The following CDH13 variants were observed in gnomAD, a reference collection of about 807,000 sequenced individuals.
CDH13 encodes the protein cadherin 13.
CDH13 carries 24 observed loss-of-function variants against 63.8 expected under a neutral mutation model. The ratio of observed to expected loss-of-function variants is 0.38; its 90% CI spans 0.27 to 0.53. CDH13 has a LOEUF of 0.53. Among genes scored for constraint, CDH13 ranks in the 20% least tolerant of loss-of-function variants. The probability of loss-of-function intolerance (pLI) is 0.85; values close to 1 mark genes in which losing one functional copy is unlikely to be tolerated. For synonymous variants in CDH13, 503 were observed against 355.3 expected (o/e 1.42, Z -4.67); for missense variants, 1,049 against 903.1 (o/e 1.16, Z -2.07).
intron 1 of CDH13, among the ~76,000 whole-genome samples, chr16:82,658,208 C>G (rs1911523312): frequency 6.6e-6 from 1 of 152,174 alleles, no homozygotes; most frequent in Non-Finnish European, 1.5e-5. Flanking sequence ...TGGTCATCAT[C>G]CCAGGCTTAG....
intron 5 of CDH13, among the ~76,000 whole-genome samples, chr16:83,300,586 C>T (rs2089710349): frequency 1.3e-5 from 2 of 152,206 alleles, no homozygotes; most frequent in African/African-American, 4.8e-5. Context: ...GGCACCATGC[C>T]AGGCAGGGTC....
intron 1 of CDH13, among the ~76,000 whole-genome samples, chr16:82,808,252 T>C (rs2037255796): frequency 6.6e-6 from 1 of 152,208 alleles, no homozygotes. Context: ...CATGAAATGA[T>C]TTGCTTTTGT....
At chr16:82,762,724 G>C (rs1597499396) in intron 1 of CDH13, among the ~76,000 whole-genome samples, 1 of 152,120 alleles carries the variant, frequency 6.6e-6, no homozygotes. Flanking sequence ...AGCAAAACTT[G>C]GGTGCCAAAA....
intron 7 of CDH13, among the ~76,000 whole-genome samples, chr16:83,585,593 CAGTT>C (rs1906073900): frequency 1.2e-5 from 1 of 84,244 alleles, no homozygotes; most frequent in East Asian, 3.3e-4. Context: ...AATTAGGAGA[CAGTT>C]GGTAATGGAA....
intron 10 of CDH13, among the ~76,000 whole-genome samples, chr16:83,740,797 C>T (rs1357890712): frequency 2.0e-5 from 3 of 152,196 alleles, no homozygotes; most frequent in Non-Finnish European, 4.4e-5. Flanking sequence ...ATCCCATCCT[C>T]CCAACCCCAA....
intron 2 of CDH13, among the ~76,000 whole-genome samples, chr16:82,872,830 A>T (rs146840984): frequency 6.6e-6 from 1 of 152,204 alleles, no homozygotes; most frequent in African/African-American, 2.4e-5. Context: ...TATAGAAGAA[A>T]CACTGAATGA....
At position 83,129,698 on chromosome 16, in the gene CDH13, C is replaced by T. The variant is rs144994238; in HGVS notation, c.483+4197C>T. On this transcript the variant is annotated intron_variant, in intron 4 of 13. Transcript: ENST00000567109. ...CCTGGCATATCTGGTCTGCCCTGCA[C>T]TCTGTGCACTGACGCGACAGCCTGC... Among the ~76,000 whole-genome samples the T allele has an allele frequency of 4.0e-3, 616 of 152,288 alleles. 4 individuals are homozygous for T. The highest frequency in any genetic ancestry group is 6.5e-3 in the Non-Finnish European group (443 of 68,032).
In CDH13 at chr16:82,805,884, GTC is replaced by G. The variant is rs1195335078; in HGVS notation, c.46-52476_46-52475del. ...ACTCTAGTGTGCAAATAAGACAACTGTCTGTCTTTTAACATGGTACGCACATT... is the reference window on the plus strand; with the variant it reads ...ACTCTAGTGTGCAAATAAGACAACTGTGTCTTTTAACATGGTACGCACATT... On this transcript the variant is annotated intron_variant, in intron 1 of 13. Transcript: ENST00000567109. Among the ~76,000 whole-genome samples the G allele has an allele frequency of 7.2e-5, 11 of 152,176 alleles. No individual in the cohort carries two copies. The East Asian group carries it at 1.7e-3, about 24-fold the overall frequency.
intron 5 of CDH13, among the ~76,000 whole-genome samples, chr16:83,288,233 G>C (rs946945156): frequency 2.6e-5 from 4 of 152,174 alleles, no homozygotes; most frequent in Non-Finnish European, 2.9e-5. Context: ...AGCCCCAATA[G>C]CTAACTCACT....
chr16:83,235,420 C>T (rs1198719445), intron 5 of CDH13, among the ~76,000 whole-genome samples: 10 of 152,094 alleles, frequency 6.6e-5, no homozygotes, highest in Admixed American at 5.9e-4. Flanking sequence ...TTCATCTAAC[C>T]GAATCATGTT....
At chr16:83,542,637 G>A (rs756186277) in intron 7 of CDH13, among the ~76,000 whole-genome samples, 2 of 152,222 alleles carry the variant, frequency 1.3e-5, no homozygotes, top group Admixed American at 6.5e-5. Flanking sequence ...TAGTCCAGGG[G>A]AGAATCCTTC....
chr16:82,840,747 A>G (rs9938031), intron 1 of CDH13, among the ~76,000 whole-genome samples: 32,139 of 151,122 alleles, frequency 0.21, 4,263 homozygotes, highest in Non-Finnish European at 0.3. Context: ...GGTTCCCAGG[A>G]TCTAGATGAC....
At chr16:82,984,714 A>G (rs1318519672) in intron 2 of CDH13, among the ~76,000 whole-genome samples, 3 of 152,202 alleles carry the variant, frequency 2.0e-5, no homozygotes, top group African/African-American at 7.2e-5. Context: ...TAAGGTTTGC[A>G]CAACTAAACG....
intron 1 of CDH13, among the ~76,000 whole-genome samples, chr16:82,733,805 C>G (rs1430779949): frequency 2.6e-5 from 4 of 152,176 alleles, no homozygotes; most frequent in Non-Finnish European, 5.9e-5. Flanking sequence ...TAACACAAAA[C>G]AAAAACTGGA....
chr16:82,642,674 G>C, intron 1 of CDH13, among the ~76,000 whole-genome samples: 1 of 152,212 alleles, frequency 6.6e-6, no homozygotes, highest in East Asian at 1.9e-4. Context: ...CTACCAGTCA[G>C]ATGCTTTGGG....
At chr16:83,493,392 C>A (rs995517583) in intron 7 of CDH13, among the ~76,000 whole-genome samples, 3 of 152,210 alleles carry the variant, frequency 2.0e-5, no homozygotes, top group Non-Finnish European at 4.4e-5. Context: ...GTATTGAGCA[C>A]CACAAATGTC....
chr16:82,750,946 C>T (rs1002243598), intron 1 of CDH13, among the ~76,000 whole-genome samples: 4 of 152,188 alleles, frequency 2.6e-5, no homozygotes, highest in African/African-American at 9.6e-5. Flanking sequence ...AATCTTCAAA[C>T]CACAACAGTG....
chr16:82,877,793 T>C (rs557623987), intron 2 of CDH13, among the ~76,000 whole-genome samples: 19 of 84,184 alleles, frequency 2.3e-4, no homozygotes, highest in Admixed American at 2.1e-3. Context: ...GCCACCTCTA[T>C]TCATTTTTTT....
At chr16:83,505,268 G>A (rs533714927) in intron 7 of CDH13, among the ~76,000 whole-genome samples, 6 of 152,142 alleles carry the variant, frequency 3.9e-5, no homozygotes, top group South Asian at 4.1e-4. Context: ...AATGCCTAGC[G>A]GGCGTTAGCC....
Sources: allele counts gnomAD v4.1 joint callset (sites outside exome capture counted in the v4.1 genomes callset), GRCh38; gene constraint gnomAD v4.1.1; transcripts MANE v1.5; gene names NCBI Gene and HGNC (gene_info 2026-07-23, HGNC 2026-07-21).